Variants in SMARCA4 observed in about 807,000 individuals in gnomAD.
SMARCA4 encodes the protein SWI/SNF related BAF chromatin remodeling complex subunit ATPase 4.
In SMARCA4, 31 loss-of-function variants were observed where a neutral mutation model predicts 193.9. That is an observed-to-expected ratio of 0.16 (90% CI 0.12 to 0.22). SMARCA4 has a LOEUF of 0.22. Among genes scored for constraint, SMARCA4 ranks in the 10% least tolerant of loss-of-function variants. The pLI is 1.00. For missense variants in SMARCA4, 1,148 were observed against 2,296.0 expected (o/e 0.50, Z 10.22); for synonymous variants, 942 against 933.1 (o/e 1.01, Z -0.17).
intron 8 of SMARCA4, among the ~76,000 whole-genome samples, chr19:10,992,565 C>T (rs191866648): frequency 2.6e-5 from 4 of 151,830 alleles, no homozygotes; most frequent in East Asian, 1.9e-4. Flanking sequence ...GTTGGGATTA[C>T]AGATGTGCGC....
In SMARCA4 at chr19:11,058,798, G is replaced by A. The variant is rs1555795341; in HGVS notation, c.4544G>A (p.Arg1515His). 1.2e-6 allele frequency: 2 copies of A among 1,614,026 alleles called. No homozygotes were observed. The highest frequency in any genetic ancestry group is 1.7e-6 in the Non-Finnish European group (2 of 1,179,980). ...VDFKKIKERI[R>H]NHKYRSLNDL... is the part of the protein sequence containing the mutation. ...TCCCGTCCACTGCAGGAGCGCATTC[G>A]CAACCACAAGTACCGCAGCCTCAAC... The change falls in exon 32 of 35, where the codon CGC becomes CAC. Residue 1515 changes from arginine to histidine, a missense_variant. By Grantham distance (29) the Arg-to-His change is conservative. Transcript: ENST00000344626. The surrounding 1 kb of genome is among the most constrained non-coding windows in gnomAD (Gnocchi z 5.8).
intron 29 of SMARCA4, among the ~76,000 whole-genome samples, chr19:11,035,710 G>A (rs1477329777): frequency 1.3e-5 from 2 of 152,238 alleles, no homozygotes. Flanking sequence ...ATGGCAGCTG[G>A]CCCTGCAACA....
Position 10,965,970 on chromosome 19 carries a change from GTTTTTTTTTTTT to G in SMARCA4, c.-32+4814_-32+4825del, listed in dbSNP as rs372236923. On this transcript the variant is annotated intron_variant, in intron 1 of 34. Coordinates refer to ENST00000344626, the MANE Select transcript of SMARCA4 (RefSeq NM_003072.5). ...AAGGGAGAGTGTGTTTAGTGGCATGGTTTTTTTTTTTTTTTTTTTTTTTTTTTTTGAGGTGAA... is the reference window on the plus strand; with the variant it reads ...AAGGGAGAGTGTGTTTAGTGGCATGGTTTTTTTTTTTTTTTTTGAGGTGAA... 1.0e-4 allele frequency among the ~76,000 whole-genome samples: 8 copies of G among 78,934 alleles called. No individual in the cohort carries two copies. In the East Asian group the frequency reaches 2.1e-3, roughly 21 times the overall value. 51.8% of individuals were successfully genotyped at this position (78,934 alleles called of 152,430 possible). A position where few individuals can be genotyped will look rare whatever the true frequency, so the allele number is the denominator to read the frequency against.
intron 11 of SMARCA4, among the ~76,000 whole-genome samples, chr19:10,999,160 C>G (rs2087380915): frequency 6.6e-6 from 1 of 151,358 alleles, no homozygotes; most frequent in African/African-American, 2.4e-5. Flanking sequence ...CCTGCCTTGG[C>G]CTCCCAAAGT....
At chr19:11,046,940 C>A (rs1214131728) in intron 30 of SMARCA4, among the ~76,000 whole-genome samples, 7 of 135,970 alleles carry the variant, frequency 5.1e-5, no homozygotes, top group Admixed American at 3.7e-4. Context: ...AGAGGTGAGA[C>A]CCTGTTGCAA....
rs2085801503 is a variant in SMARCA4 at position 10,984,161 on chromosome 19, C to G, written c.10C>G (p.Pro4Ala). MST[P>A]DPPLGGTPRP... ...TGCAGCTCCCGTGAAGATGTCCACT[C>G]CAGACCCACCCCTGGGCGGAACTCC... Residue 4 changes from proline to alanine, a missense_variant, in exon 2 of 35, where the codon CCA (proline) becomes GCA (alanine). Around this residue, in one of 17 missense-constraint regions of SMARCA4, gnomAD observed 201 missense variants for 248.3 expected, o/e 0.81. Transcript: ENST00000344626. The surrounding 1 kb of genome is among the most constrained non-coding windows in gnomAD (Gnocchi z 4.3). 6.2e-7 allele frequency: 1 copy of G among 1,613,682 alleles called. No individual in the cohort carries two copies. Among genetic ancestry groups the G allele is most frequent in the Non-Finnish European group, 8.5e-7 (1 of 1,179,938 alleles).
In SMARCA4 at chr19:10,986,721, C is replaced by A. The variant is rs2145791060; in HGVS notation, c.760+128C>A. The A allele has an allele frequency of 7.2e-7, 1 of 1,394,638 alleles. No individual in the cohort carries two copies. Among genetic ancestry groups the A allele is most frequent in the Non-Finnish European group, 9.8e-7 (1 of 1,022,886 alleles). 86.4% of individuals were successfully genotyped at this position (1,394,638 alleles called of 1,614,324 possible). A position where few individuals can be genotyped will look rare whatever the true frequency, so the allele number is the denominator to read the frequency against. ...TTTGGGATTGCACGGGCCCATACTG[C>A]ACTTCTGGGTGCTCGGGTGGTGGGG... On this transcript the variant is annotated intron_variant, in intron 4 of 34. Transcript: ENST00000344626. This position sits in a 1 kb window ranked among gnomAD's most constrained non-coding sequence, Gnocchi z 6.7.
chr19:11,010,253 G>A, intron 14 of SMARCA4, 128 bp from the exon 15 acceptor site: 1 of 1,060,800 alleles, frequency 9.4e-7, no homozygotes, highest in Admixed American at 1.7e-5. Flanking sequence ...GCACCTCTAT[G>A]TGTCTTACAG....
chr19:11,010,356 C>A lies in SMARCA4; in HGVS notation c.2124-25C>A, dbSNP rs772082607. On this transcript the variant is annotated intron_variant, in intron 14 of 34. Transcript: ENST00000344626. Reference sequence around the variant, plus strand: ...TCACAGATAGGAATGTGTGTCCTTACCCGGCACCTCCATCTCACTCCCAGG... The same window carrying A: ...TCACAGATAGGAATGTGTGTCCTTAACCGGCACCTCCATCTCACTCCCAGG... 170 of 1,613,230 alleles carry A rather than the reference C, an allele frequency of 1.1e-4. No individual in the cohort carries two copies. The East Asian group carries it at 3.3e-3, about 31-fold the overall frequency.
chr19:11,013,557 T>C (rs1479407550), intron 16 of SMARCA4, among the ~76,000 whole-genome samples: 1 of 152,118 alleles, frequency 6.6e-6, no homozygotes, highest in African/African-American at 2.4e-5. Flanking sequence ...CCTCTGCCTC[T>C]GGGTCCCGGA....
intron 11 of SMARCA4, among the ~76,000 whole-genome samples, chr19:11,000,456 G>A (rs1324043914): frequency 6.6e-6 from 1 of 152,114 alleles, no homozygotes; most frequent in Non-Finnish European, 1.5e-5. Context: ...TAGCCCAGGA[G>A]GTCCAGGCTG....
chr19:10,998,613 A>G (rs1395715491), intron 11 of SMARCA4, among the ~76,000 whole-genome samples: 1 of 151,874 alleles, frequency 6.6e-6, no homozygotes, highest in East Asian at 1.9e-4. Context: ...TATAGTAGGA[A>G]AAGCTTTCTC....
chr19:10,965,864 T>C (rs1441320466), intron 1 of SMARCA4, among the ~76,000 whole-genome samples: 1 of 152,108 alleles, frequency 6.6e-6, no homozygotes, highest in Non-Finnish European at 1.5e-5. Context: ...ATGGGACTAT[T>C]GTATATTTGG....
chr19:11,013,156 C>T (rs757117450), intron 16 of SMARCA4, 44 bp downstream of exon 16: 1 of 1,602,418 alleles, frequency 6.2e-7, no homozygotes, highest in Non-Finnish European at 8.5e-7. Context: ...CGCTCACACG[C>T]TCCTGTGTTT....
rs1256461679 is a variant in SMARCA4 at position 10,986,713 on chromosome 19, C to G, written c.760+120C>G. 2 of 1,424,422 alleles carry G rather than the reference C, an allele frequency of 1.4e-6. No homozygotes were observed. The highest frequency in any genetic ancestry group is 2.4e-4 in the Middle Eastern group (1 of 4,220). The allele number at this position is 1,424,422 out of a possible 1,614,324, so 88.2% of individuals were successfully genotyped here. A position where few individuals can be genotyped will look rare whatever the true frequency, so the allele number is the denominator to read the frequency against. On this transcript the variant is annotated intron_variant, in intron 4 of 34. Transcript: ENST00000344626. The surrounding 1 kb of genome is among the most constrained non-coding windows in gnomAD (Gnocchi z 6.7). ...TTCCCCGGTTTGGGATTGCACGGGC[C>G]CATACTGCACTTCTGGGTGCTCGGG...
At chr19:10,971,506 T>C (rs2084669043) in intron 1 of SMARCA4, among the ~76,000 whole-genome samples, 1 of 148,070 alleles carries the variant, frequency 6.8e-6, no homozygotes, top group African/African-American at 2.5e-5. Context: ...TTTTTTTTTT[T>C]CTCTTTGAGA....
In SMARCA4 at chr19:10,985,688, C is replaced by T. The variant is rs2085964726; in HGVS notation, c.355+283C>T. 6.6e-6 allele frequency among the ~76,000 whole-genome samples: 1 copy of T among 152,200 alleles called. No individual in the cohort carries two copies. Among genetic ancestry groups the T allele is most frequent in the Non-Finnish European group, 1.5e-5 (1 of 68,028 alleles). ...TGTGCAGGGCAGCAGCCCCGTGCCA[C>T]CCAGGAACTTACTGGAAATACAGAT... is the stretch of plus-strand genomic sequence containing the variant. On this transcript the variant is annotated intron_variant, in intron 3 of 34. Coordinates refer to ENST00000344626, the MANE Select transcript of SMARCA4 (RefSeq NM_003072.5). The surrounding 1 kb of genome is among the most constrained non-coding windows in gnomAD (Gnocchi z 4.5).
chr19:10,985,217 C>A lies in SMARCA4; in HGVS notation c.223-56C>A, dbSNP rs2145745324. 1 of 1,604,144 alleles carries A rather than the reference C, an allele frequency of 6.2e-7. No individual in the cohort carries two copies. The highest frequency in any genetic ancestry group is 1.3e-5 in the African/African-American group (1 of 74,782). ...GCTTCTCTCGGGCAGCGCATAGCTG[C>A]GCTGCCACCTCACGTTCCACATGCT... On this transcript the variant is annotated intron_variant, in intron 2 of 34. Transcript: ENST00000344626. This position sits in a 1 kb window ranked among gnomAD's most constrained non-coding sequence, Gnocchi z 4.5.
At chr19:11,043,685 T>C (rs62129066) in intron 30 of SMARCA4, among the ~76,000 whole-genome samples, 4,965 of 152,048 alleles carry the variant, frequency 0.033, 131 homozygotes, top group Non-Finnish European at 0.053. Context: ...AGAATACTTA[T>C]TTAAAACATG....
Sources: allele counts gnomAD v4.1 joint callset (sites outside exome capture counted in the v4.1 genomes callset), GRCh38; gene constraint gnomAD v4.1.1; regional missense constraint gnomAD v4.1.1; non-coding constraint Gnocchi (gnomAD v3.1); transcripts MANE v1.5; gene names NCBI Gene and HGNC (gene_info 2026-07-23, HGNC 2026-07-21).